Variants in SEMA3C observed in about 807,000 individuals in gnomAD.
SEMA3C encodes the protein semaphorin 3C.
Under a neutral mutation model 89.4 loss-of-function variants are expected in SEMA3C, and 47 were observed. That is an observed-to-expected ratio of 0.53 (90% CI 0.42 to 0.67). SEMA3C has a LOEUF of 0.67. SEMA3C is among the 30% of genes least tolerant of loss of function. SEMA3C has a pLI of 0.00. For synonymous variants in SEMA3C, 310 were observed against 320.2 expected (o/e 0.97, Z 0.34); for missense variants, 839 against 929.1 (o/e 0.90, Z 1.26).
Position 80,798,214 on chromosome 7 carries a change from C to A in SEMA3C, c.1009G>T (p.Val337Leu). 3 of 1,488,500 alleles carry A rather than the reference C, an allele frequency of 2.0e-6. No individual in the cohort carries two copies. The highest frequency in any genetic ancestry group is 2.7e-6 in the Non-Finnish European group (3 of 1,119,034). The allele number at this position is 1,488,500 out of a possible 1,614,324, so 92.2% of individuals were successfully genotyped here. A position where few individuals can be genotyped will look rare whatever the true frequency, so the allele number is the denominator to read the frequency against. The change falls in exon 11 of 18, where the codon GTG becomes TTG. Residue 337 changes from valine (V) to leucine (L), a missense_variant. Transcript: ENST00000265361. The stretch of plus-strand genomic sequence containing the variant: ...ATATCAGATAAATGATACACACACA[C>A]GGCTGATCCTTTGAAAACTGAGCTA... ...TSSSVFKGSA[V>L]CVYHLSDIQT...
At chr7:80,920,182 G>A (rs980411678), upstream of SEMA3C, among the ~76,000 whole-genome samples, 8 of 152,144 alleles carry the variant, frequency 5.3e-5, no homozygotes, top group Non-Finnish European at 1.0e-4. Context: ...GTTAAACTCT[G>A]GAACTGACTT....
At chr7:80,868,937 C>T (rs1790993442) in intron 2 of SEMA3C, among the ~76,000 whole-genome samples, 5 of 152,240 alleles carry the variant, frequency 3.3e-5, no homozygotes, top group Middle Eastern at 3.4e-3. Flanking sequence ...GGAAATGCTG[C>T]ATTATAATAC....
intron 4 of SEMA3C, among the ~76,000 whole-genome samples, chr7:80,820,436 A>C (rs745392037): frequency 2.6e-5 from 4 of 152,104 alleles, no homozygotes; most frequent in Non-Finnish European, 5.9e-5. Flanking sequence ...GCTAAAATAG[A>C]AGTTAAAATT....
chr7:80,836,590 AT>A (rs1790134458), intron 2 of SEMA3C, among the ~76,000 whole-genome samples: 1 of 152,156 alleles, frequency 6.6e-6, no homozygotes, highest in Admixed American at 6.6e-5. Flanking sequence ...AGGCAGGAGA[AT>A]TGCTTGAACC....
intron 11 of SEMA3C, among the ~76,000 whole-genome samples, chr7:80,790,521 GCC>G (rs1485815640): frequency 6.6e-6 from 1 of 152,092 alleles, no homozygotes; most frequent in Non-Finnish European, 1.5e-5. Context: ...GCCTGAGCCA[GCC>G]CCTCCTACTG....
chr7:80,835,893 C>T (rs924228527), intron 2 of SEMA3C, among the ~76,000 whole-genome samples: 1 of 152,190 alleles, frequency 6.6e-6, no homozygotes, highest in Non-Finnish European at 1.5e-5. Context: ...CAAGATCACA[C>T]AGTAAAGACT....
intron 2 of SEMA3C, among the ~76,000 whole-genome samples, chr7:80,885,709 CATAAT>C (rs1454795172): frequency 1.3e-5 from 2 of 152,174 alleles, no homozygotes; most frequent in Non-Finnish European, 2.9e-5. Context: ...ACAGCTCTTT[CATAAT>C]ATAAGTTTTA....
chr7:80,770,377 T>C (rs558877992), intron 12 of SEMA3C, among the ~76,000 whole-genome samples: 1 of 152,332 alleles, frequency 6.6e-6, no homozygotes, highest in Admixed American at 6.5e-5. Context: ...CCTGAATGTA[T>C]TCACAACTAT....
At chr7:80,897,633 A>G (rs1260982757) in intron 2 of SEMA3C, among the ~76,000 whole-genome samples, 1 of 152,192 alleles carries the variant, frequency 6.6e-6, no homozygotes, top group Non-Finnish European at 1.5e-5. Flanking sequence ...GAAGAAAGAT[A>G]ACCTAGATGA....
chr7:80,912,670 C>G (rs867041969), intron 2 of SEMA3C, among the ~76,000 whole-genome samples: 12 of 152,120 alleles, frequency 7.9e-5, no homozygotes, highest in African/African-American at 2.9e-4. Context: ...CATAAGGAGA[C>G]TTAAAAGAAA....
Position 80,802,704 on chromosome 7 carries a change from T to C in SEMA3C, c.877A>G (p.Thr293Ala), listed in dbSNP as rs753772836. The C allele has an allele frequency of 1.1e-5, 18 of 1,613,570 alleles. No homozygotes were observed. Among genetic ancestry groups the C allele is most frequent in the Admixed American group, 1.7e-5 (1 of 60,012 alleles). The change falls in exon 9 of 18, where the codon ACA becomes GCA. Residue 293 changes from threonine to alanine, a missense_variant. Coordinates refer to ENST00000265361, the MANE Select transcript of SEMA3C (RefSeq NM_006379.5). The stretch of plus-strand genomic sequence containing the variant: ...TGTGTTTCTGGGCCGTCTTCATCTG[T>C]TACCGAGCACACCAGCCTCGCCTTT... ...FLKARLVCSV[T>A]DEDGPETHFD...
At position 80,817,169 on chromosome 7, in the gene SEMA3C, T is replaced by C. The variant is rs574040707; in HGVS notation, c.447+1130A>G. ...ATCTTGAACCACATTAAAAAATGTCTCATTTTGGGGTCAAATTATAATTAG... is the reference window on the plus strand; with the variant it reads ...ATCTTGAACCACATTAAAAAATGTCCCATTTTGGGGTCAAATTATAATTAG... On this transcript the variant is annotated intron_variant, in intron 5 of 17. Coordinates refer to ENST00000265361, the MANE Select transcript of SEMA3C (RefSeq NM_006379.5). 5.5e-4 allele frequency among the ~76,000 whole-genome samples: 84 copies of C among 152,316 alleles called. 1 individual carries two copies. Among genetic ancestry groups the C allele is most frequent in the South Asian group, 1.2e-3 (6 of 4,826 alleles).
chr7:80,847,800 G>A (rs1464262493), intron 2 of SEMA3C, among the ~76,000 whole-genome samples: 1 of 152,164 alleles, frequency 6.6e-6, no homozygotes, highest in African/African-American at 2.4e-5. Context: ...TAGACAGAGA[G>A]GGGGCACAAC....
chr7:80,881,164 A>AAC (rs71802410), intron 2 of SEMA3C, among the ~76,000 whole-genome samples: 15,775 of 135,360 alleles, frequency 0.12, 897 homozygotes, highest in Non-Finnish European at 0.15. Context: ...TGGAGAAAGA[A>AAC]ACACACACAC....
intron 2 of SEMA3C, among the ~76,000 whole-genome samples, chr7:80,899,900 C>T (rs1409935291): frequency 6.6e-6 from 1 of 152,128 alleles, no homozygotes; most frequent in Admixed American, 6.5e-5. Flanking sequence ...TATACCCAGA[C>T]AATACATTTC....
At chr7:80,818,104 T>C (rs868555942) in intron 5 of SEMA3C, among the ~76,000 whole-genome samples, 195 bp downstream of exon 5, 1 of 151,908 alleles carries the variant, frequency 6.6e-6, no homozygotes, top group Non-Finnish European at 1.5e-5. Flanking sequence ...AAAATATATA[T>C]ACTTTTTTAG....
intron 2 of SEMA3C, among the ~76,000 whole-genome samples, chr7:80,912,946 T>G (rs1452099358): frequency 6.6e-6 from 1 of 152,228 alleles, no homozygotes; most frequent in Non-Finnish European, 1.5e-5. Context: ...CTTAGTTCAT[T>G]AGTTCACAGG....
chr7:80,838,644 T>C (rs903893613), intron 2 of SEMA3C, among the ~76,000 whole-genome samples: 7 of 152,194 alleles, frequency 4.6e-5, no homozygotes, highest in African/African-American at 9.7e-5. Flanking sequence ...AGAGGTTTAA[T>C]TGTCTCACAG....
intron 6 of SEMA3C, 149 bp downstream of exon 6, chr7:80,810,462 G>A (rs1409164656): frequency 5.5e-6 from 3 of 541,216 alleles, no homozygotes; most frequent in Non-Finnish European, 9.8e-6. Flanking sequence ...ATGAGAAACT[G>A]AACTCTCTAT....
Sources: allele counts gnomAD v4.1 joint callset (sites outside exome capture counted in the v4.1 genomes callset), GRCh38; gene constraint gnomAD v4.1.1; transcripts MANE v1.5; gene names NCBI Gene and HGNC (gene_info 2026-07-23, HGNC 2026-07-21).